Variants in GULP1 observed in about 807,000 individuals in gnomAD.
GULP1 encodes the protein PTB domain-containing engulfment adapter protein 1.
GULP1 carries 19 observed loss-of-function variants against 40.9 expected under a neutral mutation model. The observed-to-expected ratio is 0.46, with a 90% confidence interval of 0.32 to 0.68. The LOEUF is 0.68. GULP1 is among the 30% of genes least tolerant of loss of function. The pLI, the probability that GULP1 is intolerant of heterozygous loss-of-function variation, is 0.03. For missense variants in GULP1, 312 were observed against 362.2 expected, an observed-to-expected ratio of 0.86 and a Z score of 1.12; for synonymous variants, 119 against 117.6, an observed-to-expected ratio of 1.01 and a Z score of -0.08.
chr2:188,433,154 CCCCAGCATG>C (rs1488249373), intron 2 of GULP1, among the ~76,000 whole-genome samples: 1 of 152,054 alleles, frequency 6.6e-6, no homozygotes, highest in Non-Finnish European at 1.5e-5. Context: ...GTACTAAAAA[CCCCAGCATG>C]CCCTTGAACT....
Position 188,584,355 on chromosome 2 carries a change from C to T in GULP1, c.700C>T (p.Arg234Cys), listed in dbSNP as rs777577897. The T allele has an allele frequency of 3.3e-5, 53 of 1,605,598 alleles. 1 individual carries two copies. Among genetic ancestry groups the T allele is most frequent in the Middle Eastern group, 3.3e-4 (2 of 6,036 alleles). ...PISHQSSMPT[R>C]NGTQPPPVPS... ...ATCACACCAGTCTTCGATGCCTACT[C>T]GCAATGGCACACAGCCACCTCCAGT... The change falls in exon 10 of 12, where the codon CGC becomes TGC. Residue 234 changes from arginine to cysteine, a missense_variant. By Grantham distance (180) the Arg-to-Cys change is radical (BLOSUM62 -3). Coordinates refer to ENST00000409830, the MANE Select transcript of GULP1 (RefSeq NM_016315.4).
Position 188,498,236 on chromosome 2 carries a change from G to A in GULP1, c.90+14744G>A, listed in dbSNP as rs531426514. ...TTTACCGGTTCAGTGTAGCTGGAGT[G>A]TATGTAAGTAAAATAGATAAAGAAT... On this transcript the variant is annotated intron_variant, in intron 4 of 11. Transcript: ENST00000409830. Among the ~76,000 whole-genome samples, 5 of 151,978 alleles carry A rather than the reference G, an allele frequency of 3.3e-5. No homozygotes were observed. In the East Asian group the frequency reaches 7.8e-4, roughly 24 times the overall value.
intron 7 of GULP1, among the ~76,000 whole-genome samples, chr2:188,543,122 T>A (rs2153338166): frequency 6.6e-6 from 1 of 152,222 alleles, no homozygotes; most frequent in Admixed American, 6.5e-5. Context: ...AATTGATTGT[T>A]CTCCTTGGAT....
chr2:188,458,589 G>A (rs1401532275), intron 2 of GULP1, among the ~76,000 whole-genome samples: 1 of 152,072 alleles, frequency 6.6e-6, no homozygotes, highest in Non-Finnish European at 1.5e-5. Flanking sequence ...GGTACATGAA[G>A]TGTTTTAATA....
intron 7 of GULP1, among the ~76,000 whole-genome samples, chr2:188,567,789 C>T (rs1194441923): frequency 6.6e-6 from 1 of 152,114 alleles, no homozygotes; most frequent in Admixed American, 6.6e-5. Context: ...AGAAGAAAAA[C>T]GTCTTTTTAT....
chr2:188,564,299 T>C (rs1367546448), intron 7 of GULP1, among the ~76,000 whole-genome samples: 1 of 151,778 alleles, frequency 6.6e-6, no homozygotes, highest in Non-Finnish European at 1.5e-5. Context: ...TGGAAAGAAA[T>C]AGGAAAAAAT....
At chr2:188,544,738 C>CT (rs1691459000) in intron 7 of GULP1, among the ~76,000 whole-genome samples, 1 of 151,850 alleles carries the variant, frequency 6.6e-6, no homozygotes, top group Non-Finnish European at 1.5e-5. Context: ...ACCTCATGGA[C>CT]TGTGGGACCG....
At chr2:188,451,559 A>C (rs1002472359) in intron 2 of GULP1, among the ~76,000 whole-genome samples, 24 of 152,192 alleles carry the variant, frequency 1.6e-4, no homozygotes, top group Admixed American at 8.5e-4. Context: ...CCAGCACTCA[A>C]AATGTGTTTA....
At chr2:188,391,880 T>A (rs1006906286) in intron 2 of GULP1, among the ~76,000 whole-genome samples, 1 of 152,066 alleles carries the variant, frequency 6.6e-6, no homozygotes, top group South Asian at 2.1e-4. Context: ...ATGGTTTTTG[T>A]TTTTAATTCT....
At chr2:188,559,981 G>A (rs13426900) in intron 7 of GULP1, among the ~76,000 whole-genome samples, 3,959 of 152,204 alleles carry the variant, frequency 0.026, 189 homozygotes, top group African/African-American at 0.091. Flanking sequence ...TTCCTGCCGT[G>A]ATTCTGAGGC....
chr2:188,443,505 C>A (rs1359301993), intron 2 of GULP1, among the ~76,000 whole-genome samples: 1 of 152,066 alleles, frequency 6.6e-6, no homozygotes, highest in African/African-American at 2.4e-5. Flanking sequence ...TAATGATTGA[C>A]CCTCGAGCCT....
chr2:188,296,918 CTG>C (rs1412141416), intron 1 of GULP1, among the ~76,000 whole-genome samples: 1 of 151,936 alleles, frequency 6.6e-6, no homozygotes, highest in East Asian at 1.9e-4. Context: ...CTCTGTCTCT[CTG>C]TCTCTGTCGT....
intron 4 of GULP1, among the ~76,000 whole-genome samples, chr2:188,509,416 G>A (rs557099050): frequency 6.6e-6 from 1 of 152,158 alleles, no homozygotes; most frequent in South Asian, 2.1e-4. Context: ...TGCAGAAATA[G>A]ACCGTATTAA....
chr2:188,306,622 TAGAGAATAGGGTAGAA>T (rs1367904200), intron 1 of GULP1, among the ~76,000 whole-genome samples: 24 of 152,084 alleles, frequency 1.6e-4, no homozygotes, highest in Non-Finnish European at 4.4e-5. Flanking sequence ...AAAATAGAGC[TAGAGAATAGGGTAGAA>T]AGAGAAGAGG....
Position 188,348,041 on chromosome 2 carries a change from T to C in GULP1, c.-171-35722T>C, listed in dbSNP as rs1195576603. 1.5e-4 allele frequency among the ~76,000 whole-genome samples: 23 copies of C among 152,222 alleles called. 1 individual carries two copies. Among genetic ancestry groups the C allele is most frequent in the Admixed American group, 1.4e-3 (22 of 15,290 alleles). The stretch of plus-strand genomic sequence containing the variant: ...TTTTCCTATGAAAATATTCTAGATG[T>C]AGTAGATGTCAAAGAAATAAAATTC... On this transcript the variant is annotated intron_variant, in intron 1 of 11. Transcript: ENST00000409830.
At chr2:188,377,470 C>T (rs899238922) in intron 1 of GULP1, among the ~76,000 whole-genome samples, 4 of 152,102 alleles carry the variant, frequency 2.6e-5, no homozygotes, top group African/African-American at 9.7e-5. Context: ...CCTTTCATCA[C>T]GTGTGGAAGC....
rs528139476 is a variant in GULP1 at position 188,365,626 on chromosome 2, TTGTC to T, written c.-171-18134_-171-18131del. 1.6e-3 allele frequency among the ~76,000 whole-genome samples: 251 copies of T among 152,288 alleles called. 1 individual carries two copies. The highest frequency in any genetic ancestry group is 5.8e-3 in the African/African-American group (241 of 41,568). On this transcript the variant is annotated intron_variant, in intron 1 of 11. Transcript: ENST00000409830. ...CTACTGGGAAGGAATGTCTGCAACA[TTGTC>T]TGAGGACTTTAGAAAGAATGAATTA...
At chr2:188,328,617 G>A (rs986325111) in intron 1 of GULP1, among the ~76,000 whole-genome samples, 1 of 152,036 alleles carries the variant, frequency 6.6e-6, no homozygotes, top group African/African-American at 2.4e-5. Context: ...TTTTCCTTTA[G>A]TTGCATCAGC....
chr2:188,577,093 T>G lies in GULP1; in HGVS notation c.609+6973T>G, dbSNP rs1189598027. 4.6e-5 allele frequency among the ~76,000 whole-genome samples: 7 copies of G among 152,126 alleles called. 1 individual carries two copies. The highest frequency in any genetic ancestry group is 1.3e-4 in the Admixed American group (2 of 15,266). On this transcript the variant is annotated intron_variant, in intron 9 of 11. Coordinates refer to ENST00000409830, the MANE Select transcript of GULP1 (RefSeq NM_016315.4). ...TTTACTCTTCTGACTATAGAAGGTT[T>G]TAACCAAACCAGACTATTGCCAGGA...
Sources: allele counts gnomAD v4.1 joint callset (sites outside exome capture counted in the v4.1 genomes callset), GRCh38; gene constraint gnomAD v4.1.1; transcripts MANE v1.5; gene names NCBI Gene and HGNC (gene_info 2026-07-23, HGNC 2026-07-21).